RYR1: variants seen among roughly 807,000 people sequenced by gnomAD.
The protein encoded by RYR1 is central core disease of muscle.
In RYR1, 342 loss-of-function variants were observed where a neutral mutation model predicts 583.5. The ratio of observed to expected loss-of-function variants is 0.59; its 90% CI spans 0.54 to 0.64. RYR1 has a LOEUF of 0.64. Among genes scored for constraint, RYR1 ranks in the 30% least tolerant of loss-of-function variants. The pLI, the probability that RYR1 is intolerant of heterozygous loss-of-function variation, is 0.00. For synonymous variants in RYR1, 2,791 were observed against 2,822.5 expected, an observed-to-expected ratio of 0.99 and a Z score of 0.35; for missense variants, 6,032 against 6,917.2, an observed-to-expected ratio of 0.87 and a Z score of 4.54.
chr19:38,514,341 C>T (rs1471760731), intron 63 of RYR1, among the ~76,000 whole-genome samples: 2 of 148,572 alleles, frequency 1.3e-5, no homozygotes, highest in African/African-American at 2.5e-5. Context: ...AGTGCAGTGG[C>T]GCAATCTCAG....
At chr19:38,581,753 CA>C (rs1486490709) in intron 101 of RYR1, among the ~76,000 whole-genome samples, 1 of 152,052 alleles carries the variant, frequency 6.6e-6, no homozygotes, top group African/African-American at 2.4e-5. Context: ...CGCACACTAC[CA>C]CACCCAGCTG....
chr19:38,565,157 G>A lies in RYR1; in HGVS notation c.12823G>A (p.Ala4275Thr), dbSNP rs761125496. ...AGAAEAGAEG[A>T]EEGAAGLEGT... ...CGCGGCGGAGGCGGGCGCGGAAGGCGCGGAGGAGGGCGCGGCGGGGCTCGA... is the reference window on the plus strand; with the variant it reads ...CGCGGCGGAGGCGGGCGCGGAAGGCACGGAGGAGGGCGCGGCGGGGCTCGA... The change falls in exon 91 of 106, where the codon GCG (alanine) becomes ACG (threonine). Residue 4275 changes from alanine to threonine, a missense_variant. Coordinates refer to ENST00000359596, the MANE Select transcript of RYR1 (RefSeq NM_000540.3). The surrounding 1 kb of genome is among the most constrained non-coding windows in gnomAD (Gnocchi z 4.7). 3.2e-5 allele frequency: 47 copies of A among 1,483,980 alleles called. No homozygotes were observed. Among genetic ancestry groups the A allele is most frequent in the South Asian group, 1.4e-4 (11 of 80,950 alleles). The allele number at this position is 1,483,980 out of a possible 1,614,324, so 91.9% of individuals were successfully genotyped here. A position where few individuals can be genotyped will look rare whatever the true frequency, so the allele number is the denominator to read the frequency against.
At chr19:38,461,756 A>G (rs369314480) in intron 20 of RYR1, among the ~76,000 whole-genome samples, 4,928 of 139,032 alleles carry the variant, frequency 0.035, 111 homozygotes, top group Middle Eastern at 0.059. Flanking sequence ...GGAGAGAGAG[A>G]GAGAAAGAAA....
At chr19:38,506,592 G>A (rs748884335) in intron 56 of RYR1, 46 bp downstream of exon 56, 20 of 1,605,490 alleles carry the variant, frequency 1.2e-5, no homozygotes, top group Admixed American at 1.7e-5. Flanking sequence ...TGGATTCACC[G>A]TGTGGTTTTG....
intron 79 of RYR1, among the ~76,000 whole-genome samples, 153 bp from the exon 80 acceptor site, chr19:38,534,984 TCTCA>T (rs1823234478): frequency 6.6e-6 from 1 of 152,148 alleles, no homozygotes; most frequent in African/African-American, 2.4e-5. Flanking sequence ...CCTTGCAATT[TCTCA>T]CTCATCCTTC....
intron 73 of RYR1, 185 bp downstream of exon 73, chr19:38,527,969 G>C (rs916021012): frequency 1.4e-5 from 9 of 633,090 alleles, no homozygotes; most frequent in Admixed American, 5.9e-5. Context: ...GCTTAATCTT[G>C]CATCTGGGGG....
intron 67 of RYR1, among the ~76,000 whole-genome samples, chr19:38,521,152 ACACACACCTGTAGTCCTTGCCTCAGG>A (rs1971211143): frequency 6.6e-6 from 1 of 151,938 alleles, no homozygotes; most frequent in African/African-American, 2.4e-5. Context: ...AGGCATGGTG[ACACACACCTGTAGTCCTTGCCTCAGG>A]CTGGGACTGG....
At chr19:38,570,773 AG>A (rs1973679164) in intron 94 of RYR1, 80 bp downstream of exon 94, 4 of 1,231,616 alleles carry the variant, frequency 3.2e-6, no homozygotes, top group Non-Finnish European at 4.8e-6. Flanking sequence ...TCAGAATTTC[AG>A]GGTTCCTCCA....
In RYR1 at chr19:38,458,302, C is replaced by G; in HGVS notation, c.2167+10C>G. On this transcript the variant is annotated intron_variant, in intron 18 of 105. Coordinates refer to ENST00000359596, the MANE Select transcript of RYR1 (RefSeq NM_000540.3). ...CTGCATCTCTGGACAGGTACCTGAC[C>G]CCTTCCAGGGGACCCTCACCCCTGA... 1 of 1,613,108 alleles carries G rather than the reference C, an allele frequency of 6.2e-7. No homozygotes were observed. The highest frequency in any genetic ancestry group is 8.5e-7 in the Non-Finnish European group (1 of 1,179,522).
At chr19:38,491,816 C>G (rs1374237004) in intron 37 of RYR1, among the ~76,000 whole-genome samples, 1 of 152,150 alleles carries the variant, frequency 6.6e-6, no homozygotes, top group Non-Finnish European at 1.5e-5. Flanking sequence ...TTTCTCCTAT[C>G]AGCTCAAATA....
At chr19:38,577,808 A>G (rs1974023769) in intron 97 of RYR1, 110 bp from the exon 98 acceptor site, 1 of 1,428,148 alleles carries the variant, frequency 7.0e-7, no homozygotes, top group Non-Finnish European at 9.5e-7. Context: ...AAAAAAATGC[A>G]CCTCCCATTT....
chr19:38,479,651 G>A (rs1032744620), intron 31 of RYR1, among the ~76,000 whole-genome samples: 3 of 151,674 alleles, frequency 2.0e-5, no homozygotes, highest in African/African-American at 7.3e-5. Context: ...GGGCTCAAGC[G>A]ATCTCCCCAC....
chr19:38,586,612 C>G (rs772337118), intron 105 of RYR1, 36 bp downstream of exon 105: 4 of 1,593,906 alleles, frequency 2.5e-6, no homozygotes, highest in Non-Finnish European at 3.4e-6. Flanking sequence ...GTGGGCAGGA[C>G]GTGGAGCCCT....
At chr19:38,445,455 G>GCCCAATACTTTGACCCCAAGTCTCATAC (rs1409507219) in intron 7 of RYR1, among the ~76,000 whole-genome samples, 1 of 151,832 alleles carries the variant, frequency 6.6e-6, no homozygotes, top group African/African-American at 2.4e-5. Context: ...TCCAGGCATG[G>GCCCAATACTTTGACCCCAAGTCTCATAC]CCCAATACTT....
intron 90 of RYR1, among the ~76,000 whole-genome samples, chr19:38,564,054 G>A (rs1282519720): frequency 1.3e-5 from 2 of 152,208 alleles, no homozygotes; most frequent in Non-Finnish European, 2.9e-5. Flanking sequence ...TCTCTATAAA[G>A]CTCTCTCTAT....
rs767024764 is a variant in RYR1, at chr19:38,548,255, C to T, written c.12117C>T (p.Ile4039=). Residue 4039 remains isoleucine (I), a synonymous_variant, in exon 89 of 106, where the codon ATC becomes ATT. Coordinates refer to ENST00000359596, the MANE Select transcript of RYR1 (RefSeq NM_000540.3). ...CAGGGAACGTGGTGAACGGCATGAT[C>T]GCCCGGCAGATGGTGGACATGCTCG... ...LLEGNVVNGM[I]ARQMVDMLVE... 1.2e-5 allele frequency: 19 copies of T among 1,614,100 alleles called. No individual in the cohort carries two copies. Among genetic ancestry groups the T allele is most frequent in the South Asian group, 6.6e-5 (6 of 91,096 alleles).
In RYR1 at chr19:38,587,457, G is replaced by C. The variant is rs368187507; in HGVS notation, c.*37G>C. On this transcript the variant is annotated 3_prime_UTR_variant, in exon 106 of 106. Transcript: ENST00000359596. ...CTGGCCCTCCACCCCCACCTCAAGT[G>C]CCTTATTCTCACAGCAAGCCCCTTA... 79 of 1,504,204 alleles carry C rather than the reference G, an allele frequency of 5.3e-5. No homozygotes were observed. The highest frequency in any genetic ancestry group is 3.5e-4 in the Admixed American group (21 of 59,556). 93.2% of individuals were successfully genotyped at this position (1,504,204 alleles called of 1,614,324 possible).
intron 94 of RYR1, 117 bp from the exon 95 acceptor site, chr19:38,571,902 G>A: frequency 1.4e-6 from 2 of 1,454,278 alleles, no homozygotes; most frequent in Non-Finnish European, 9.5e-7. Flanking sequence ...TTGATTGACA[G>A]CCACACCAAG....
rs1339521130 is a variant in RYR1, at chr19:38,469,426, C to T, written c.3678C>T (p.Ala1226=). The T allele has an allele frequency of 1.9e-6, 3 of 1,614,040 alleles. No individual in the cohort carries two copies. In the African/African-American group the frequency reaches 4.0e-5, roughly 22 times the overall value. ...TCCAGGAAGGCTTCGAGCCATTTGC[C>T]ATCAACATGCAGCGCCCAGTCACCA... The part of the protein sequence containing the change: ...CGLQEGFEPF[A]INMQRPVTTW... The change falls in exon 27 of 106, where the codon GCC becomes GCT. Residue 1226 remains alanine, a synonymous_variant. Coordinates refer to ENST00000359596, the MANE Select transcript of RYR1 (RefSeq NM_000540.3).
Sources: gnomAD v4.1 joint callset for allele counts (sites outside exome capture counted in the v4.1 genomes callset) on GRCh38, gnomAD v4.1.1 for gene constraint, Gnocchi (gnomAD v3.1) non-coding constraint, MANE v1.5 for transcripts, NCBI Gene and HGNC (gene_info 2026-07-23, HGNC 2026-07-21) for gene names.